UNC13C: variants seen among roughly 807,000 people sequenced by gnomAD.
UNC13C encodes the protein protein unc-13 homolog C.
A neutral mutation model predicts 245.4 loss-of-function variants in UNC13C; 174 were observed. That is an observed-to-expected ratio of 0.71 (90% CI 0.63 to 0.80). The LOEUF (loss-of-function observed/expected upper bound fraction) is 0.80. Among genes scored for constraint, UNC13C ranks in the 30% least tolerant of loss-of-function variants. The pLI is 0.00. For missense variants in UNC13C, 2,829 were observed against 2,602.9 expected (o/e 1.09, Z -1.89); for synonymous variants, 992 against 895.1 (o/e 1.11, Z -1.93).
intron 2 of UNC13C, among the ~76,000 whole-genome samples, chr15:54,066,840 T>C (rs1898098711): frequency 6.6e-6 from 1 of 152,158 alleles, no homozygotes; most frequent in Non-Finnish European, 1.5e-5. Context: ...AGCATGATAC[T>C]CCAGAAGGCA....
At chr15:54,225,228 G>A (rs7163335) in intron 4 of UNC13C, among the ~76,000 whole-genome samples, 1 of 151,264 alleles carries the variant, frequency 6.6e-6, no homozygotes, top group Non-Finnish European at 1.5e-5. Context: ...TAGTATAGTT[G>A]GAAGCTGGTT....
chr15:54,101,604 G>A (rs1440890257), intron 2 of UNC13C, among the ~76,000 whole-genome samples: 10 of 151,184 alleles, frequency 6.6e-5, no homozygotes, highest in South Asian at 6.3e-4. Context: ...TTTTTGACAA[G>A]GAATCTTGCT....
At chr15:54,202,031 G>T (rs1029985213) in intron 4 of UNC13C, among the ~76,000 whole-genome samples, 1 of 151,804 alleles carries the variant, frequency 6.6e-6, no homozygotes, top group Admixed American at 6.6e-5. Context: ...TGAGCAAGCT[G>T]AGAATCAAAT....
At chr15:54,431,266 C>T (rs372548324) in intron 19 of UNC13C, among the ~76,000 whole-genome samples, 3 of 151,658 alleles carry the variant, frequency 2.0e-5, no homozygotes, top group East Asian at 2.0e-4. Context: ...AATATTGTGT[C>T]GCCATATTGG....
chr15:54,487,070 T>C (rs1893453198), intron 19 of UNC13C, among the ~76,000 whole-genome samples: 1 of 152,162 alleles, frequency 6.6e-6, no homozygotes, highest in African/African-American at 2.4e-5. Context: ...AGAGTATATC[T>C]ATGAGGAATG....
chr15:54,182,094 G>A (rs1176754352), intron 4 of UNC13C, among the ~76,000 whole-genome samples: 1 of 151,974 alleles, frequency 6.6e-6, no homozygotes, highest in Non-Finnish European at 1.5e-5. Context: ...GTTAGAGTGA[G>A]CATCCTTGTC....
intron 30 of UNC13C, among the ~76,000 whole-genome samples, chr15:54,600,776 A>G (rs950007543): frequency 6.6e-6 from 1 of 152,090 alleles, no homozygotes; most frequent in Non-Finnish European, 1.5e-5. Flanking sequence ...TTATTCATTC[A>G]TAGGACTAAT....
intron 10 of UNC13C, among the ~76,000 whole-genome samples, chr15:54,284,300 T>C (rs2037083175): frequency 6.6e-6 from 1 of 152,202 alleles, no homozygotes; most frequent in Non-Finnish European, 1.5e-5. Context: ...TTCAAACAAG[T>C]ATATTTGTAA....
the UNC13C span, among the ~76,000 whole-genome samples, chr15:53,873,409 T>C: frequency 1.3e-5 from 2 of 152,122 alleles, no homozygotes; most frequent in African/African-American, 4.8e-5. Flanking sequence ...ATCGCTCAAC[T>C]TGCCTCCTCT....
chr15:53,871,350 C>T, the UNC13C span, among the ~76,000 whole-genome samples: 1 of 152,172 alleles, frequency 6.6e-6, no homozygotes, highest in African/African-American at 2.4e-5. Flanking sequence ...CTTCTTAACT[C>T]CCCCTGACTA....
chr15:54,371,224 C>A (rs1328412008), intron 17 of UNC13C, among the ~76,000 whole-genome samples: 3 of 152,158 alleles, frequency 2.0e-5, no homozygotes, highest in Non-Finnish European at 4.4e-5. Context: ...CATCATTTTA[C>A]TCTCGGCTTC....
chr15:54,203,484 G>GTGTATA lies in UNC13C; in HGVS notation c.3072-31545_3072-31544insGTATAT, dbSNP rs796426371. 5.7e-5 allele frequency among the ~76,000 whole-genome samples: 8 copies of GTGTATA among 139,772 alleles called. No homozygotes were observed. The East Asian group carries it at 1.3e-3, about 23-fold the overall frequency. 91.7% of individuals were successfully genotyped at this position (139,772 alleles called of 152,430 possible). ...GTAGTGTGTGTGTATATGTGTGTGT[G>GTGTATA]TATATATATATATATATATACACAC... On this transcript the variant is annotated intron_variant, in intron 4 of 32. Transcript: ENST00000260323.
the UNC13C span, among the ~76,000 whole-genome samples, chr15:53,966,081 T>C: frequency 0.047 from 7,127 of 152,252 alleles, 272 homozygotes; most frequent in African/African-American, 0.1. Context: ...TTTATTCTTC[T>C]GAAATGTATT....
At chr15:53,880,945 A>G in the UNC13C span, among the ~76,000 whole-genome samples, 6 of 152,304 alleles carry the variant, frequency 3.9e-5, no homozygotes, top group African/African-American at 1.2e-4. Flanking sequence ...AAAGAAGCAT[A>G]GCAAGAGAGA....
the UNC13C span, among the ~76,000 whole-genome samples, chr15:53,934,916 AT>A: frequency 4.6e-5 from 7 of 152,164 alleles, no homozygotes; most frequent in Admixed American, 6.5e-5. Flanking sequence ...AAGGTCCCAC[AT>A]CCTAATATCA....
intron 2 of UNC13C, among the ~76,000 whole-genome samples, chr15:54,063,723 C>A (rs1052594331): frequency 1.3e-5 from 2 of 152,096 alleles, no homozygotes; most frequent in Admixed American, 1.3e-4. Context: ...AGTCTTTGTG[C>A]TAAGTGTGAA....
rs181483376 is a variant in UNC13C, at chr15:54,413,430, A to C, written c.4848-1552A>C. On this transcript the variant is annotated intron_variant, in intron 18 of 32. Coordinates refer to ENST00000260323, the MANE Select transcript of UNC13C (RefSeq NM_001080534.3). ...ATTACATAAAATCTAATGTACTACA[A>C]AATGTGTTATGCTAGTATTTATGCT... 1.3e-3 allele frequency among the ~76,000 whole-genome samples: 200 copies of C among 152,268 alleles called. 1 individual carries two copies. Among genetic ancestry groups the C allele is most frequent in the African/African-American group, 4.6e-3 (190 of 41,576 alleles).
At chr15:53,935,381 T>G in the UNC13C span, among the ~76,000 whole-genome samples, 1 of 152,238 alleles carries the variant, frequency 6.6e-6, no homozygotes, top group East Asian at 1.9e-4. Context: ...TTTGTTTTAC[T>G]TTTCTGCATC....
chr15:53,930,401 G>A, the UNC13C span, among the ~76,000 whole-genome samples: 1 of 152,192 alleles, frequency 6.6e-6, no homozygotes, highest in Admixed American at 6.5e-5. Flanking sequence ...TTGATGGAAG[G>A]AGTGGCCTGT....
Sources: gnomAD v4.1 joint callset for allele counts (sites outside exome capture counted in the v4.1 genomes callset) on GRCh38, gnomAD v4.1.1 for gene constraint, MANE v1.5 for transcripts, NCBI Gene and HGNC (gene_info 2026-07-23, HGNC 2026-07-21) for gene names.